The following PRKCB variants were observed in gnomAD, a reference collection of about 807,000 sequenced individuals.
PRKCB encodes the protein protein kinase C beta type.
In PRKCB, 13 loss-of-function variants were observed where a neutral mutation model predicts 81.5. That is an observed-to-expected ratio of 0.16 (90% CI 0.10 to 0.25). PRKCB has a LOEUF of 0.25. Ranked by LOEUF, PRKCB falls within the 10% of genes least tolerant of loss-of-function variation. The probability of loss-of-function intolerance (pLI) is 1.00; values close to 1 mark genes in which losing one functional copy is unlikely to be tolerated. For synonymous variants in PRKCB, 335 were observed against 321.4 expected, an observed-to-expected ratio of 1.04 and a Z score of -0.45; for missense variants, 509 against 875.7, an observed-to-expected ratio of 0.58 and a Z score of 5.29.
At chr16:23,998,817 C>A (rs1964993380) in intron 3 of PRKCB, among the ~76,000 whole-genome samples, 1 of 152,162 alleles carries the variant, frequency 6.6e-6, no homozygotes, top group South Asian at 2.1e-4. Flanking sequence ...GAAGAATGAG[C>A]AGGTTCTCTG....
At chr16:24,004,133 T>A (rs928985524) in intron 3 of PRKCB, among the ~76,000 whole-genome samples, 2 of 152,064 alleles carry the variant, frequency 1.3e-5, no homozygotes, top group East Asian at 3.9e-4. Flanking sequence ...AACCGTGGAA[T>A]CTGGAAAGCA....
intron 2 of PRKCB, among the ~76,000 whole-genome samples, chr16:23,862,399 C>G (rs1282060292): frequency 6.6e-6 from 1 of 152,100 alleles, no homozygotes; most frequent in Non-Finnish European, 1.5e-5. Context: ...TCCTCACTTT[C>G]CAGAAGCCGT....
chr16:23,965,483 A>G (rs1964475663), intron 2 of PRKCB, among the ~76,000 whole-genome samples: 1 of 152,252 alleles, frequency 6.6e-6, no homozygotes, highest in Admixed American at 6.5e-5. Flanking sequence ...ATAGACATTC[A>G]GGACATGTTT....
At chr16:24,194,504 A>G (rs925393290) in intron 16 of PRKCB, among the ~76,000 whole-genome samples, 1 of 152,184 alleles carries the variant, frequency 6.6e-6, no homozygotes, top group Non-Finnish European at 1.5e-5. Context: ...TGATGGTTCA[A>G]AGTCAGGTTG....
chr16:23,989,263 CTAT>C (rs930898630), intron 3 of PRKCB, among the ~76,000 whole-genome samples: 57 of 152,098 alleles, frequency 3.7e-4, no homozygotes, highest in Non-Finnish European at 7.1e-4. Flanking sequence ...TGTGCCCGGC[CTAT>C]TATTATTATT....
At chr16:24,006,330 A>G (rs1223668678) in intron 3 of PRKCB, among the ~76,000 whole-genome samples, 1 of 152,228 alleles carries the variant, frequency 6.6e-6, no homozygotes, top group East Asian at 1.9e-4. Context: ...TTTGTGGTGC[A>G]GTTCTAAAGG....
intron 2 of PRKCB, among the ~76,000 whole-genome samples, chr16:23,880,924 G>A (rs1486415048): frequency 6.6e-6 from 1 of 151,404 alleles, no homozygotes; most frequent in Non-Finnish European, 1.5e-5. Context: ...CTTTTTTTTT[G>A]TATGGTTCTG....
chr16:24,217,188 A>G lies in PRKCB; in HGVS notation c.*2372A>G, dbSNP rs1968242393. ...AAAGAAGGAAGGAAGGAAGGAATAT[A>G]GTGTTATAAATACTGCACTCAACAT... On this transcript the variant is annotated 3_prime_UTR_variant, in exon 17 of 17. Coordinates refer to ENST00000643927, the MANE Select transcript of PRKCB (RefSeq NM_002738.7). The G allele has an allele frequency of 1.0e-6, 1 of 984,514 alleles. No individual in the cohort carries two copies. The highest frequency in any genetic ancestry group is 4.7e-5 in the South Asian group (1 of 21,260). The allele number at this position is 984,514 out of a possible 1,614,324, so 61.0% of individuals were successfully genotyped here.
chr16:24,173,016 C>T (rs1386441526), intron 11 of PRKCB, among the ~76,000 whole-genome samples: 1 of 152,100 alleles, frequency 6.6e-6, no homozygotes, highest in Non-Finnish European at 1.5e-5. Flanking sequence ...AAAGCTTGCC[C>T]AAAATCATGG....
chr16:24,083,067 C>T (rs1038606683), intron 5 of PRKCB, among the ~76,000 whole-genome samples: 2 of 152,122 alleles, frequency 1.3e-5, no homozygotes, highest in Non-Finnish European at 2.9e-5. Flanking sequence ...ATGGCCAATA[C>T]ATTCATGGAA....
chr16:23,856,014 T>C (rs1266573592), intron 2 of PRKCB, among the ~76,000 whole-genome samples: 2 of 152,194 alleles, frequency 1.3e-5, no homozygotes, highest in Non-Finnish European at 2.9e-5. Context: ...CTTCTATGTC[T>C]TTCTTAGAGG....
At chr16:24,021,299 C>G (rs1416161410) in intron 3 of PRKCB, among the ~76,000 whole-genome samples, 1 of 15,796 alleles carries the variant, frequency 6.3e-5, no homozygotes, top group African/African-American at 5.6e-4. Context: ...CCCTCCCTTC[C>G]TTCCTTCCTT....
intron 2 of PRKCB, among the ~76,000 whole-genome samples, chr16:23,957,834 G>T (rs1964370149): frequency 6.6e-6 from 1 of 151,968 alleles, no homozygotes; most frequent in Non-Finnish European, 1.5e-5. Flanking sequence ...AATCGTTAAG[G>T]GTATGCCTTC....
intron 2 of PRKCB, among the ~76,000 whole-genome samples, chr16:23,978,289 C>T (rs1367828362): frequency 6.6e-6 from 1 of 152,214 alleles, no homozygotes; most frequent in African/African-American, 2.4e-5. Context: ...GCAGTCCCCC[C>T]ATATCCCTTC....
In PRKCB at chr16:24,094,427, G is replaced by T. The variant is rs1030260602; in HGVS notation, c.821+130G>T. 17 of 1,247,128 alleles carry T rather than the reference G, an allele frequency of 1.4e-5. No homozygotes were observed. The South Asian group carries it at 2.3e-4, about 17-fold the overall frequency. The allele number at this position is 1,247,128 out of a possible 1,614,324, so 77.3% of individuals were successfully genotyped here. A position where few individuals can be genotyped will look rare whatever the true frequency, so the allele number is the denominator to read the frequency against. On this transcript the variant is annotated intron_variant, in intron 7 of 16. Transcript: ENST00000643927. ...TCCCAAAGTGAAGTCTGGTTGATTG[G>T]ATCTGCCTTGCAGATATGTTTTGTT...
At chr16:24,060,613 T>A (rs1965960020) in intron 5 of PRKCB, among the ~76,000 whole-genome samples, 1 of 152,206 alleles carries the variant, frequency 6.6e-6, no homozygotes, top group Admixed American at 6.5e-5. Flanking sequence ...AGTATTTCCG[T>A]AGGATTTGCC....
chr16:23,897,212 CTGTGCTCTGTA>C, intron 2 of PRKCB, among the ~76,000 whole-genome samples: 1 of 152,312 alleles, frequency 6.6e-6, no homozygotes, highest in East Asian at 1.9e-4. Context: ...GGCACACGTG[CTGTGCTCTGTA>C]GAGCTCTGAG....
intron 2 of PRKCB, among the ~76,000 whole-genome samples, chr16:23,907,799 TTGCAAAACTCC>T (rs1963584546): frequency 6.6e-6 from 1 of 152,146 alleles, no homozygotes; most frequent in Non-Finnish European, 1.5e-5. Flanking sequence ...CAGGTGAATC[TTGCAAAACTCC>T]CTAGGACCTG....
In PRKCB at chr16:24,214,709, G is replaced by A. The variant is rs1459204741; in HGVS notation, c.1915G>A (p.Val639Ile). Residue 639 changes from valine (V) to isoleucine (I), a missense_variant, in exon 17 of 17, where the codon GTC becomes ATC. This residue lies in a region of PRKCB where 104 missense variants were observed against 160.5 expected (regional missense o/e 0.65). Coordinates refer to ENST00000643927, the MANE Select transcript of PRKCB (RefSeq NM_002738.7). The part of the protein sequence containing the change: ...FDRFFTRHPP[V>I]LTPPDQEVIR... ...CCGATTTTTCACCCGCCATCCACCA[G>A]TCCTAACACCTCCCGACCAGGAAGT... The A allele has an allele frequency of 5.0e-6, 8 of 1,614,004 alleles. No homozygotes were observed. Among genetic ancestry groups the A allele is most frequent in the Non-Finnish European group, 5.1e-6 (6 of 1,180,034 alleles).
Sources: allele counts gnomAD v4.1 joint callset (sites outside exome capture counted in the v4.1 genomes callset), GRCh38; gene constraint gnomAD v4.1.1; regional missense constraint gnomAD v4.1.1; transcripts MANE v1.5; gene names NCBI Gene and HGNC (gene_info 2026-07-23, HGNC 2026-07-21).